Variants in NEBL observed in about 807,000 individuals in gnomAD.
NEBL encodes the protein nebulette.
A neutral mutation model predicts 140.2 loss-of-function variants in NEBL; 122 were observed. That is an observed-to-expected ratio of 0.87 (90% CI 0.75 to 1.01). The LOEUF is 1.01. Among genes scored for constraint, NEBL ranks in the 50% least tolerant of loss-of-function variants. The pLI, the probability that NEBL is intolerant of heterozygous loss-of-function variation, is 0.00. For missense variants in NEBL, 1,365 were observed against 1,231.3 expected (o/e 1.11, Z -1.62); for synonymous variants, 436 against 398.9 (o/e 1.09, Z -1.11).
At chr10:21,157,772 G>A (rs1420085627) in intron 2 of NEBL, among the ~76,000 whole-genome samples, 3 of 152,076 alleles carry the variant, frequency 2.0e-5, no homozygotes, top group African/African-American at 2.4e-5. Context: ...CACAGACCTC[G>A]GAATGTGACC....
intron 2 of NEBL, among the ~76,000 whole-genome samples, chr10:21,026,454 T>TAACA (rs1321334419): frequency 6.6e-6 from 1 of 152,242 alleles, no homozygotes; most frequent in Non-Finnish European, 1.5e-5. Context: ...CTTCTAGCTC[T>TAACA]AACAAATCTC....
At chr10:21,189,909 A>T (rs1841545498) in intron 3 of NEBL, among the ~76,000 whole-genome samples, 1 of 152,202 alleles carries the variant, frequency 6.6e-6, no homozygotes, top group African/African-American at 2.4e-5. Context: ...TCTGGGCATC[A>T]CAGCATCTCA....
At chr10:21,029,920 G>A (rs1310648117) in intron 2 of NEBL, 1 of 602,028 alleles carries the variant, frequency 1.7e-6, no homozygotes, top group African/African-American at 1.8e-5. Flanking sequence ...CAGATGGGAT[G>A]ATGGGTCGTG....
Position 21,238,123 on chromosome 10 carries a change from G to T in NEBL, n.348+9798C>A, listed in dbSNP as rs371520104. Among the ~76,000 whole-genome samples, 5 of 152,264 alleles carry T rather than the reference G, an allele frequency of 3.3e-5. No homozygotes were observed. In the East Asian group the frequency reaches 9.7e-4, roughly 29 times the overall value. On this transcript the variant is annotated intron_variant and non_coding_transcript_variant, in intron 3 of 8. Coordinates refer to the NEBL transcript ENST00000675702. Reference sequence around the variant, plus strand: ...TTGTTCTGGTCTGATTTTACCTGGGGTGCAAAGCAAAAATAGAGTCTCAAC... The same window carrying T: ...TTGTTCTGGTCTGATTTTACCTGGGTTGCAAAGCAAAAATAGAGTCTCAAC...
intron 2 of NEBL, among the ~76,000 whole-genome samples, chr10:21,141,282 T>G (rs909994531): frequency 6.6e-6 from 1 of 152,190 alleles, no homozygotes; most frequent in African/African-American, 2.4e-5. Flanking sequence ...TTCCCAGTTT[T>G]GAAAGTTATA....
chr10:21,111,654 C>G (rs571893398), intron 2 of NEBL, among the ~76,000 whole-genome samples: 54 of 150,754 alleles, frequency 3.6e-4, no homozygotes, highest in African/African-American at 1.1e-3. Flanking sequence ...AAAACCTAGG[C>G]AATACCATTC....
chr10:21,199,496 GC>G (rs1285190412), intron 3 of NEBL, among the ~76,000 whole-genome samples: 1 of 152,130 alleles, frequency 6.6e-6, no homozygotes, highest in African/African-American at 2.4e-5. Flanking sequence ...TCAAGTGGAA[GC>G]CCCCTTAAAT....
At chr10:21,233,968 A>T (rs1842309580) in intron 3 of NEBL, among the ~76,000 whole-genome samples, 1 of 147,600 alleles carries the variant, frequency 6.8e-6, no homozygotes, top group Admixed American at 6.9e-5. Flanking sequence ...GTATAGATGC[A>T]TCCTTCCTAA....
intron 4 of NEBL, among the ~76,000 whole-genome samples, chr10:20,927,854 C>A (rs1833988160): frequency 6.6e-6 from 1 of 152,120 alleles, no homozygotes; most frequent in Non-Finnish European, 1.5e-5. Flanking sequence ...TGACTTACTC[C>A]TAGATAGGCA....
intron 26 of NEBL, among the ~76,000 whole-genome samples, chr10:20,806,949 T>C (rs1204540319): frequency 6.6e-6 from 1 of 152,168 alleles, no homozygotes; most frequent in Admixed American, 6.5e-5. Flanking sequence ...GTTTTATTTA[T>C]CTCTTTAAAT....
chr10:21,043,139 T>G (rs1346477412), intron 2 of NEBL, among the ~76,000 whole-genome samples: 1 of 152,210 alleles, frequency 6.6e-6, no homozygotes, highest in East Asian at 1.9e-4. Context: ...ATAGCACATT[T>G]TGTATCTTAA....
intron 3 of NEBL, among the ~76,000 whole-genome samples, chr10:21,213,985 A>G (rs1841953265): frequency 6.6e-6 from 1 of 152,160 alleles, no homozygotes; most frequent in Non-Finnish European, 1.5e-5. Context: ...GGGAGTTGTC[A>G]CAGACAATAG....
chr10:21,014,903 C>T (rs531034746), intron 3 of NEBL, among the ~76,000 whole-genome samples: 45 of 152,262 alleles, frequency 3.0e-4, no homozygotes, highest in Non-Finnish European at 5.1e-4. Context: ...CGTTTTCATG[C>T]CTCTGCAGAA....
chr10:20,953,890 T>C (rs985265927), intron 4 of NEBL, among the ~76,000 whole-genome samples: 1 of 152,128 alleles, frequency 6.6e-6, no homozygotes, highest in African/African-American at 2.4e-5. Flanking sequence ...TGCTCTGTAC[T>C]GAGCTCTATT....
At chr10:21,181,655 C>T (rs2132205604) in intron 3 of NEBL, among the ~76,000 whole-genome samples, 1 of 152,342 alleles carries the variant, frequency 6.6e-6, no homozygotes, top group African/African-American at 2.4e-5. Context: ...ACACCACGTG[C>T]TGCTTTTCAC....
chr10:20,972,568 C>A (rs1836622314), intron 3 of NEBL, among the ~76,000 whole-genome samples: 1 of 151,986 alleles, frequency 6.6e-6, no homozygotes, highest in Admixed American at 6.6e-5. Context: ...CATGGTGAAA[C>A]CCTGTCTCTA....
chr10:21,264,017 T>C (rs569866084), intron 1 of NEBL, among the ~76,000 whole-genome samples: 1 of 151,272 alleles, frequency 6.6e-6, no homozygotes, highest in Admixed American at 6.6e-5. Context: ...ATGGCAGGAG[T>C]AGGAGGGAGG....
chr10:21,211,313 T>C (rs1841911633), intron 3 of NEBL, among the ~76,000 whole-genome samples: 1 of 136,472 alleles, frequency 7.3e-6, no homozygotes, highest in Admixed American at 6.8e-5. Context: ...ACCGCGTTTC[T>C]ACAAAAAAAT....
chr10:21,133,141 A>G (rs1839193948), intron 2 of NEBL, among the ~76,000 whole-genome samples: 1 of 152,080 alleles, frequency 6.6e-6, no homozygotes, highest in African/African-American at 2.4e-5. Flanking sequence ...TTAATTTTGT[A>G]TGTGTGTGAG....
Sources: allele counts gnomAD v4.1 joint callset (sites outside exome capture counted in the v4.1 genomes callset), GRCh38; gene constraint gnomAD v4.1.1; transcripts MANE v1.5; gene names NCBI Gene and HGNC (gene_info 2026-07-23, HGNC 2026-07-21).